TASP1: variants seen among roughly 807,000 people sequenced by gnomAD.
TASP1 encodes taspase 1.
Under a neutral mutation model 56.6 loss-of-function variants are expected in TASP1, and 16 were observed. That is an observed-to-expected ratio of 0.28 (90% CI 0.19 to 0.43). The LOEUF (loss-of-function observed/expected upper bound fraction) is 0.43. Among genes scored for constraint, TASP1 ranks in the 20% least tolerant of loss-of-function variants. The pLI is 1.00. For missense variants in TASP1, 393 were observed against 511.6 expected, an observed-to-expected ratio of 0.77 and a Z score of 2.24; for synonymous variants, 179 against 184.2, an observed-to-expected ratio of 0.97 and a Z score of 0.23.
chr20:13,591,660 C>G (rs995631128), intron 4 of TASP1, among the ~76,000 whole-genome samples: 3 of 152,142 alleles, frequency 2.0e-5, no homozygotes, highest in Non-Finnish European at 2.9e-5. Flanking sequence ...GATTAATACT[C>G]TAAATAAGTG....
the TASP1 span, among the ~76,000 whole-genome samples, chr20:13,336,526 A>G: frequency 7.9e-5 from 12 of 152,290 alleles, no homozygotes; most frequent in South Asian, 2.5e-3. Flanking sequence ...TCTGATGCCT[A>G]TGAAGGTCTA....
intron 11 of TASP1, among the ~76,000 whole-genome samples, chr20:13,444,959 A>G (rs951553100): frequency 6.6e-6 from 1 of 152,166 alleles, no homozygotes; most frequent in Non-Finnish European, 1.5e-5. Flanking sequence ...GGTGATAAGC[A>G]TAATATTAAG....
At chr20:13,119,735 A>C in the TASP1 span, among the ~76,000 whole-genome samples, 1 of 152,184 alleles carries the variant, frequency 6.6e-6, no homozygotes, top group Non-Finnish European at 1.5e-5. Flanking sequence ...TCTGGCAGAG[A>C]TTCGTTAGCC....
At chr20:13,266,849 T>C in the TASP1 span, among the ~76,000 whole-genome samples, 149 of 152,336 alleles carry the variant, frequency 9.8e-4, no homozygotes, top group Non-Finnish European at 1.9e-3. Flanking sequence ...GCTGGAATAA[T>C]TCACGTGGAA....
At chr20:13,172,435 T>C in the TASP1 span, among the ~76,000 whole-genome samples, 1 of 152,194 alleles carries the variant, frequency 6.6e-6, no homozygotes, top group African/African-American at 2.4e-5. Context: ...AATACTATTA[T>C]TATTTTTATA....
chr20:13,214,558 C>G, the TASP1 span, among the ~76,000 whole-genome samples: 14,406 of 112,140 alleles, frequency 0.13, 1,219 homozygotes, highest in African/African-American at 0.28. Flanking sequence ...CACACACACA[C>G]ACACAGAGAG....
chr20:13,503,146 C>A (rs2036596643), intron 10 of TASP1, among the ~76,000 whole-genome samples: 1 of 152,066 alleles, frequency 6.6e-6, no homozygotes, highest in Admixed American at 6.6e-5. Flanking sequence ...GGCCCTGATG[C>A]TACTAACCAC....
rs761366009 is a variant in TASP1, at chr20:13,587,251, A to G, written c.402T>C (p.Ser134=). Residue 134 remains serine, a splice_region_variant and synonymous_variant, in exon 5 of 14, where the codon AGT becomes AGC. Transcript: ENST00000337743. ...SLNFGAVGAL[S]GIKNPVSVAN... ...TAGTAGGTCATAATGCCCACATACC[A>G]CTCAGTGCTCCAACTGCTCCAAAAT... 8 of 1,609,900 alleles carry G rather than the reference A, an allele frequency of 5.0e-6. No individual in the cohort carries two copies. The highest frequency in any genetic ancestry group is 1.7e-5 in the Admixed American group (1 of 59,114).
chr20:13,403,798 C>G (rs953676965), intron 13 of TASP1, among the ~76,000 whole-genome samples: 8 of 152,082 alleles, frequency 5.3e-5, no homozygotes, highest in Admixed American at 5.2e-4. Context: ...TGGAGGATCT[C>G]TTGAACCCAG....
At chr20:13,299,487 G>A in the TASP1 span, 2 of 1,569,896 alleles carry the variant, frequency 1.3e-6, no homozygotes, top group South Asian at 2.3e-5. This position sits in a 1 kb window ranked among gnomAD's most constrained non-coding sequence, Gnocchi z 5.8. Flanking sequence ...GGAGGACGCT[G>A]CCTCTGGTTC....
At chr20:13,548,876 C>T (rs1412308177) in intron 8 of TASP1, among the ~76,000 whole-genome samples, 10 of 152,182 alleles carry the variant, frequency 6.6e-5, no homozygotes, top group Non-Finnish European at 1.0e-4. Context: ...GATTATGATT[C>T]GGTATGTTTA....
At chr20:13,492,880 C>T (rs1384226020) in intron 10 of TASP1, among the ~76,000 whole-genome samples, 1 of 152,124 alleles carries the variant, frequency 6.6e-6, no homozygotes, top group African/African-American at 2.4e-5. Flanking sequence ...GTTAGCATTT[C>T]ATAATTATTT....
chr20:13,534,489 T>C (rs1187950410), intron 8 of TASP1, among the ~76,000 whole-genome samples: 1 of 152,196 alleles, frequency 6.6e-6, no homozygotes, highest in African/African-American at 2.4e-5. Context: ...TGTTTGAGAA[T>C]GTGTAGAGGA....
chr20:13,246,077 G>A, the TASP1 span, among the ~76,000 whole-genome samples: 1 of 152,080 alleles, frequency 6.6e-6, no homozygotes, highest in African/African-American at 2.4e-5. Flanking sequence ...AGACCAGCTG[G>A]CCAACATGGT....
chr20:13,280,231 T>C, the TASP1 span, among the ~76,000 whole-genome samples: 2 of 151,970 alleles, frequency 1.3e-5, no homozygotes, highest in African/African-American at 4.8e-5. Context: ...ATTAACTTCC[T>C]TGTATTTTTT....
chr20:13,446,026 T>C (rs1028311414), intron 11 of TASP1, among the ~76,000 whole-genome samples: 6 of 152,128 alleles, frequency 3.9e-5, no homozygotes, highest in Admixed American at 3.3e-4. Flanking sequence ...TCTCAAGTCA[T>C]CTATGATATG....
the TASP1 span, among the ~76,000 whole-genome samples, chr20:13,162,775 A>G: frequency 1.3e-5 from 2 of 152,150 alleles, no homozygotes; most frequent in South Asian, 2.1e-4. Flanking sequence ...CCCACTTCTT[A>G]ACAGCATCCA....
chr20:13,582,123 C>CAA (rs773253001), intron 5 of TASP1, among the ~76,000 whole-genome samples: 17 of 79,008 alleles, frequency 2.2e-4, no homozygotes, highest in African/African-American at 4.5e-4. Flanking sequence ...GTATGAAATA[C>CAA]AAAAAAAAAA....
At chr20:13,140,702 A>G in the TASP1 span, among the ~76,000 whole-genome samples, 1 of 152,332 alleles carries the variant, frequency 6.6e-6, no homozygotes, top group East Asian at 1.9e-4. Context: ...TAGGAGAAAA[A>G]AGTTGATTAA....
Sources: allele counts gnomAD v4.1 joint callset (sites outside exome capture counted in the v4.1 genomes callset), GRCh38; gene constraint gnomAD v4.1.1; non-coding constraint Gnocchi (gnomAD v3.1); transcripts MANE v1.5; gene names NCBI Gene and HGNC (gene_info 2026-07-23, HGNC 2026-07-21).